The following HMGB3 variants were observed in gnomAD, a reference collection of about 807,000 sequenced individuals.
HMGB3 encodes the protein high mobility group protein B3.
In HMGB3, 1 loss-of-function variant was observed where a neutral mutation model predicts 12.9. The ratio of observed to expected loss-of-function variants is 0.08; its 90% confidence interval spans 0.03 to 0.37. The LOEUF (loss-of-function observed/expected upper bound fraction) is 0.37. Among genes scored for constraint, HMGB3 ranks in the 10% least tolerant of loss-of-function variants. The pLI is 0.99. For missense variants in HMGB3, 74 were observed against 153.3 expected, an observed-to-expected ratio of 0.48 and a Z score of 2.73; for synonymous variants, 61 against 53.9, an observed-to-expected ratio of 1.13 and a Z score of -0.57.
chrX:150,986,838 G>A lies in HMGB3; in HGVS notation c.291-290G>A, dbSNP rs1157703009. Among the ~76,000 whole-genome samples the A allele has an allele frequency of 2.7e-5, 3 of 110,853 alleles. No individual in the cohort carries two copies. In the Admixed American group the frequency reaches 2.9e-4, roughly 11 times the overall value. On this transcript the variant is annotated intron_variant, in intron 3 of 4. Coordinates refer to ENST00000325307, the MANE Select transcript of HMGB3 (RefSeq NM_005342.4). ...TTTTTTATATTTTTAGTAGAGACGG[G>A]GTTTCTCCATGTTGGTCAGGCTGGT...
Position 150,983,394 on chromosome X carries a change from C to A in HMGB3, c.-6+18C>A. On this transcript the variant is annotated intron_variant, in intron 1 of 4. Coordinates refer to ENST00000325307, the MANE Select transcript of HMGB3 (RefSeq NM_005342.4). ...CAATACAGGTACGTCTCGCACCGCC[C>A]GCTCCCGCCGCCGCCGCCGCCGCCG... 1.4e-6 allele frequency: 1 copy of A among 737,632 alleles called. No homozygotes were observed. The highest frequency in any genetic ancestry group is 1.6e-6 in the Non-Finnish European group (1 of 635,636). The allele number at this position is 737,632 out of a possible 1,213,427, so 60.8% of individuals were successfully genotyped here.
chrX:150,987,630 A>G, intron 4 of HMGB3, 147 bp from the exon 5 acceptor site: 1 of 489,726 alleles, frequency 2.0e-6, no homozygotes, highest in Admixed American at 3.5e-5. Context: ...CCAAATTCAT[A>G]TATGGAAACA....
Position 150,990,563 on chromosome X carries a change from T to C in HMGB3, c.*2649T>C, listed in dbSNP as rs1179160019. On this transcript the variant is annotated 3_prime_UTR_variant, in exon 5 of 5. Transcript: ENST00000325307. ...CCAACCTGTTGCTTTTTTTTTTTTT[T>C]TCCCCCATTTAAAAGGATAGTACCT... 5.5e-5 allele frequency: 6 copies of C among 109,782 alleles called. No individual in the cohort carries two copies. The highest frequency in any genetic ancestry group is 1.7e-4 in the African/African-American group (5 of 30,192). 9.0% of individuals were successfully genotyped at this position (109,782 alleles called of 1,213,427 possible).
At chrX:150,982,124 G>T (rs987796358), upstream of HMGB3, among the ~76,000 whole-genome samples, 1 of 111,906 alleles carries the variant, frequency 8.9e-6, no homozygotes, top group Non-Finnish European at 1.9e-5. Context: ...ATTCTTTCCA[G>T]GCAAGGGCCC....
upstream of HMGB3, among the ~76,000 whole-genome samples, chrX:150,981,500 T>G (rs1557425088): frequency 9.5e-6 from 1 of 104,839 alleles, no homozygotes; most frequent in African/African-American, 3.5e-5. Context: ...TTCGGAGTCT[T>G]GCTCTGTTGC....
chrX:150,982,869 A>G (rs782450245), upstream of HMGB3, among the ~76,000 whole-genome samples: 13 of 113,016 alleles, frequency 1.2e-4, no homozygotes, highest in South Asian at 4.3e-3. Context: ...GAGGTGGTCT[A>G]CCATCGGCCC....
At chrX:150,980,641 C>T (rs1247902993), upstream of HMGB3, 14 of 739,577 alleles carry the variant, frequency 1.9e-5, no homozygotes, top group South Asian at 6.9e-5. Context: ...TTTCATCATT[C>T]GAAGTATGTG....
intron 1 of HMGB3, chrX:150,983,718 T>A: frequency 3.6e-6 from 1 of 279,447 alleles, no homozygotes; most frequent in Non-Finnish European, 4.8e-6. Flanking sequence ...AGGCCAGATG[T>A]TTGGGCAGCT....
chrX:150,983,628 C>G, intron 1 of HMGB3: 3 of 747,171 alleles, frequency 4.0e-6, no homozygotes, highest in Non-Finnish European at 4.7e-6. Flanking sequence ...CCGAGCTCCC[C>G]GCTTTCGGGG....
chrX:150,983,580 G>A lies in HMGB3; in HGVS notation c.-6+204G>A, dbSNP rs1436344873. The A allele has an allele frequency of 6.7e-6, 5 of 750,323 alleles. No individual in the cohort carries two copies. The African/African-American group carries it at 1.2e-4, about 17-fold the overall frequency. The allele number at this position is 750,323 out of a possible 1,213,427, so 61.8% of individuals were successfully genotyped here. A position where few individuals can be genotyped will look rare whatever the true frequency, so the allele number is the denominator to read the frequency against. ...CTCCTGCTAGGCGGCCGGGAAGGAAGAAGCAATTCAGGTGTTTCAACTTTT... is the reference window on the plus strand; with the variant it reads ...CTCCTGCTAGGCGGCCGGGAAGGAAAAAGCAATTCAGGTGTTTCAACTTTT... On this transcript the variant is annotated intron_variant, in intron 1 of 4. Coordinates refer to ENST00000325307, the MANE Select transcript of HMGB3 (RefSeq NM_005342.4).
chrX:150,984,661 G>C, intron 1 of HMGB3: 1 of 559,672 alleles, frequency 1.8e-6, no homozygotes, highest in Non-Finnish European at 2.2e-6. Context: ...CGGCACGGGG[G>C]CCGAGGCGGG....
rs1368710072 is a variant in HMGB3, at chrX:150,983,341, C to T, written c.-41C>T. The T allele has an allele frequency of 4.0e-6, 3 of 754,753 alleles. No homozygotes were observed. The highest frequency in any genetic ancestry group is 4.7e-6 in the Non-Finnish European group (3 of 639,504). 62.2% of individuals were successfully genotyped at this position (754,753 alleles called of 1,213,427 possible). On this transcript the variant is annotated 5_prime_UTR_variant, in exon 1 of 5. Coordinates refer to ENST00000325307, the MANE Select transcript of HMGB3 (RefSeq NM_005342.4). ...GGCTGGGGAGCGCTGAGCCGCGCGT[C>T]GTGCCCTGCGCTGCCCAGACTAGCG... is the stretch of plus-strand genomic sequence containing the variant.
At chrX:150,983,861 G>A (rs1382728097) in intron 1 of HMGB3, among the ~76,000 whole-genome samples, 4 of 106,710 alleles carry the variant, frequency 3.7e-5, no homozygotes, top group African/African-American at 1.0e-4. Context: ...GGTGCCCGCC[G>A]GGGGCTGCGC....
chrX:150,984,817 GA>G (rs2048035128), intron 1 of HMGB3, among the ~76,000 whole-genome samples: 1 of 112,146 alleles, frequency 8.9e-6, no homozygotes, highest in Non-Finnish European at 1.9e-5. Flanking sequence ...GTGGGAAAAG[GA>G]AAAGATGGCG....
At chrX:150,985,996 T>C in intron 2 of HMGB3, 55 bp from the exon 3 acceptor site, 1 of 1,151,358 alleles carries the variant, frequency 8.7e-7, no homozygotes, top group Non-Finnish European at 1.2e-6. Context: ...CACAAGAAAC[T>C]GAATAGGTAT....
chrX:150,983,160 C>T (rs891266595), upstream of HMGB3: 60 of 397,584 alleles, frequency 1.5e-4, no homozygotes, highest in Admixed American at 1.2e-3. Flanking sequence ...GCGGGTCGTT[C>T]TGTTTGAATG....
upstream of HMGB3, chrX:150,980,609 T>C (rs1364297516): frequency 1.6e-5 from 12 of 748,858 alleles, no homozygotes; most frequent in Non-Finnish European, 1.9e-5. Flanking sequence ...ATGGAAATAC[T>C]TCCTGCGCGT....
In HMGB3 at chrX:150,989,853, G is replaced by A. The variant is rs1557425349; in HGVS notation, c.*1939G>A. On this transcript the variant is annotated 3_prime_UTR_variant, in exon 5 of 5. Coordinates refer to ENST00000325307, the MANE Select transcript of HMGB3 (RefSeq NM_005342.4). ...GAGGCGGTGTCCTCTCCGCCCTGTC[G>A]GGTCCTGGATGAGTACGAGTTATGG... 1 of 111,793 alleles carries A rather than the reference G, an allele frequency of 8.9e-6. No homozygotes were observed. Among genetic ancestry groups the A allele is most frequent in the Non-Finnish European group, 1.9e-5 (1 of 53,196 alleles). 9.2% of individuals were successfully genotyped at this position (111,793 alleles called of 1,213,427 possible).
upstream of HMGB3, among the ~76,000 whole-genome samples, chrX:150,982,875 G>C (rs782726954): frequency 8.8e-5 from 10 of 113,144 alleles, no homozygotes; most frequent in Non-Finnish European, 1.1e-4. Flanking sequence ...GTCTACCATC[G>C]GCCCTTCGTG....
Sources: gnomAD v4.1 joint callset for allele counts (sites outside exome capture counted in the v4.1 genomes callset) on GRCh38, gnomAD v4.1.1 for gene constraint, MANE v1.5 for transcripts, NCBI Gene and HGNC (gene_info 2026-07-23, HGNC 2026-07-21) for gene names.